AQP9: variants seen among roughly 807,000 people sequenced by gnomAD.
AQP9 encodes aquaporin-9.
In AQP9, 19 loss-of-function variants were observed where a neutral mutation model predicts 23.8. That is an observed-to-expected ratio of 0.80 (90% CI 0.56 to 1.17). The LOEUF (loss-of-function observed/expected upper bound fraction) is 1.17. Among genes scored for constraint, AQP9 ranks in the 50% most tolerant of loss-of-function variants. AQP9 has a pLI of 0.00. For synonymous variants in AQP9, 153 were observed against 131.5 expected, an observed-to-expected ratio of 1.16 and a Z score of -1.12; for missense variants, 413 against 362.0, an observed-to-expected ratio of 1.14 and a Z score of -1.14.
intron 1 of AQP9, among the ~76,000 whole-genome samples, chr15:58,146,336 C>G (rs1980162): frequency 0.35 from 52,744 of 151,864 alleles, 11,048 homozygotes; most frequent in Non-Finnish European, 0.47. Flanking sequence ...GTTGCTGTTT[C>G]AAATCTATCT....
At chr15:58,138,340 C>G, upstream of AQP9, 1 of 412,990 alleles carries the variant, frequency 2.4e-6, no homozygotes, top group Non-Finnish European at 4.4e-6. Context: ...GGTTCTAAGT[C>G]GCAGATTCAA....
At chr15:58,168,777 GA>G (rs1280821100) in intron 2 of AQP9, among the ~76,000 whole-genome samples, 1 of 152,168 alleles carries the variant, frequency 6.6e-6, no homozygotes, top group African/African-American at 2.4e-5. Context: ...AAGGGCACAA[GA>G]AAAACCAGGG....
At chr15:58,180,552 G>T (rs1191756947) in intron 5 of AQP9, among the ~76,000 whole-genome samples, 5 of 152,160 alleles carry the variant, frequency 3.3e-5, no homozygotes, top group African/African-American at 1.2e-4. Context: ...AAGAATGAAT[G>T]AATTCTATGT....
chr15:58,170,948 G>GT (rs1442715558), intron 2 of AQP9, among the ~76,000 whole-genome samples: 29 of 151,480 alleles, frequency 1.9e-4, no homozygotes, highest in Admixed American at 4.6e-4. Context: ...TGTTGTTGTT[G>GT]TTGTTTGTTT....
At chr15:58,164,791 A>G (rs1335883316) in intron 1 of AQP9, among the ~76,000 whole-genome samples, 4 of 152,122 alleles carry the variant, frequency 2.6e-5, no homozygotes, top group Non-Finnish European at 5.9e-5. Flanking sequence ...TGTGTATTAA[A>G]TATCTCTTGT....
chr15:58,180,942 A>ACAT (rs1898873938), intron 5 of AQP9, among the ~76,000 whole-genome samples: 2 of 152,312 alleles, frequency 1.3e-5, no homozygotes, highest in South Asian at 4.1e-4. Context: ...AGCATCAAAA[A>ACAT]CATATGTCCT....
Position 58,174,904 on chromosome 15 carries a change from T to C in AQP9, c.377-14T>C, listed in dbSNP as rs376799427. The stretch of plus-strand genomic sequence containing the variant: ...CCAGGGAACACTAATGTGCCAGAGC[T>C]TTCTCTTTCATAGATGGACTTATGT... On this transcript the variant is annotated splice_polypyrimidine_tract_variant and intron_variant, in intron 3 of 5. Transcript: ENST00000219919. 3.7e-5 allele frequency: 60 copies of C among 1,609,668 alleles called. No homozygotes were observed. In the African/African-American group the frequency reaches 6.9e-4, roughly 19 times the overall value.
chr15:58,183,940 T>C (rs1321419947), intron 5 of AQP9, 21 bp from the exon 6 acceptor site: 2 of 1,612,778 alleles, frequency 1.2e-6, no homozygotes. Context: ...AATGTATCAC[T>C]AATTTCTTGT....
intron 1 of AQP9, among the ~76,000 whole-genome samples, chr15:58,164,848 G>C (rs1898464061): frequency 6.6e-6 from 1 of 152,058 alleles, no homozygotes; most frequent in Admixed American, 6.6e-5. Context: ...AGCCCTGAGG[G>C]AGCTGTTTAG....
intron 1 of AQP9, chr15:58,155,273 G>A (rs1296506639): frequency 1.3e-5 from 2 of 152,024 alleles, no homozygotes; most frequent in African/African-American, 4.8e-5. Context: ...TTATACTATG[G>A]TTCATTTATA....
At chr15:58,139,000 A>T (rs1450357670) in intron 1 of AQP9, among the ~76,000 whole-genome samples, 2 of 152,208 alleles carry the variant, frequency 1.3e-5, no homozygotes, top group East Asian at 3.8e-4. Context: ...GTTTTCATTG[A>T]TCAATTGATT....
At chr15:58,166,059 G>C (rs372259443) in intron 1 of AQP9, among the ~76,000 whole-genome samples, 1 of 152,100 alleles carries the variant, frequency 6.6e-6, no homozygotes, top group Non-Finnish European at 1.5e-5. Context: ...CCCCTTTATT[G>C]GATGTGTGTA....
intron 1 of AQP9, chr15:58,155,923 C>G (rs1376930984): frequency 6.6e-6 from 1 of 152,182 alleles, no homozygotes; most frequent in Non-Finnish European, 1.5e-5. Flanking sequence ...GTCCACTAGT[C>G]TCACACTCAT....
chr15:58,138,626 A>G lies in AQP9; in HGVS notation c.61A>G (p.Ser21Gly), dbSNP rs1897898678. The G allele has an allele frequency of 1.9e-6, 3 of 1,613,926 alleles. No homozygotes were observed. In the South Asian group the frequency reaches 3.3e-5, roughly 18 times the overall value. ...SFKQRLVLKS[S>G]LAKETLSEFL... ...CAAGCAGAGACTGGTCTTGAAGAGC[A>G]GCTTAGCGAAAGAAACCCTCTCTGA... The change falls in exon 1 of 6, where the codon AGC becomes GGC. Residue 21 changes from serine to glycine, a missense_variant. Transcript: ENST00000219919.
At chr15:58,161,951 T>C (rs4775015) in intron 1 of AQP9, among the ~76,000 whole-genome samples, 68,868 of 151,980 alleles carry the variant, frequency 0.45, 17,406 homozygotes, top group Admixed American at 0.61. Flanking sequence ...TTCAATTACA[T>C]CCAATATACT....
chr15:58,162,468 C>T (rs947169703), intron 1 of AQP9, among the ~76,000 whole-genome samples: 13 of 152,164 alleles, frequency 8.5e-5, no homozygotes, highest in Non-Finnish European at 1.9e-4. Flanking sequence ...GAAAAGTATA[C>T]AGAACAAGCT....
intron 1 of AQP9, chr15:58,151,879 C>T (rs183410698): frequency 9.2e-5 from 14 of 152,136 alleles, no homozygotes; most frequent in African/African-American, 2.9e-4. Context: ...TACGGCTTAC[C>T]CTTACCCTCA....
Position 58,184,094 on chromosome 15 carries a change from GA to G in AQP9, c.848del (p.Glu283GlyfsTer52). On this transcript the variant is annotated frameshift_variant, in exon 6 of 6. Transcript: ENST00000219919. LOFTEE classifies it high-confidence loss of function. Reference protein sequence around the residue: ...PDSVFKTEQSEDKPEKYELSV... With the variant: ...PDSVFKTEQSXDKPEKYELSV... ...CTCAGTCTTTAAGACAGAACAATCT[GA>G]GGACAAACCAGAGAAATATGAACTC... The G allele has an allele frequency of 1.2e-6, 2 of 1,614,086 alleles. No individual in the cohort carries two copies. The highest frequency in any genetic ancestry group is 8.5e-7 in the Non-Finnish European group (1 of 1,179,980).
In AQP9 at chr15:58,166,890, T is replaced by C. The variant is rs1221843954; in HGVS notation, c.238+91T>C. 4 of 1,434,534 alleles carry C rather than the reference T, an allele frequency of 2.8e-6. No homozygotes were observed. The Admixed American group carries it at 7.6e-5, about 27-fold the overall frequency. The allele number at this position is 1,434,534 out of a possible 1,614,324, so 88.9% of individuals were successfully genotyped here. Reference sequence around the variant, plus strand: ...GCTGCTTCACATACCTTAATTTACTTATATCTCAAAAATCCTGCAAGAGTG... The same window carrying C: ...GCTGCTTCACATACCTTAATTTACTCATATCTCAAAAATCCTGCAAGAGTG... On this transcript the variant is annotated intron_variant, in intron 2 of 5. Transcript: ENST00000219919.
Sources: gnomAD v4.1 joint callset for allele counts (sites outside exome capture counted in the v4.1 genomes callset) on GRCh38, gnomAD v4.1.1 for gene constraint, MANE v1.5 for transcripts, NCBI Gene and HGNC (gene_info 2026-07-23, HGNC 2026-07-21) for gene names.